Variants in HSD17B3 observed in about 807,000 individuals in gnomAD.
HSD17B3 encodes the protein 17-beta-hydroxysteroid dehydrogenase type 3.
Under a neutral mutation model 41.1 loss-of-function variants are expected in HSD17B3, and 29 were observed. That is an observed-to-expected ratio of 0.71 (90% CI 0.53 to 0.96). The LOEUF (loss-of-function observed/expected upper bound fraction) is 0.96. Among genes scored for constraint, HSD17B3 ranks in the 40% least tolerant of loss-of-function variants. The pLI is 0.00. For missense variants in HSD17B3, 323 were observed against 374.6 expected (o/e 0.86, Z 1.14); for synonymous variants, 126 against 145.6 (o/e 0.87, Z 0.97).
chr9:96,251,480 T>G lies in HSD17B3; in HGVS notation c.391A>C (p.Asn131His), dbSNP rs772902740. ...AGLEIGILVN[N>H]VGMLPNLLPS... ...AGAAGGTTTGGAAGCATTCCGACAT[T>G]GTTGACTGGCAGAAAGAAGCAAAAC... is the stretch of plus-strand genomic sequence containing the variant. Residue 131 changes from asparagine to histidine, a missense_variant, in exon 5 of 11, where the codon AAT (asparagine) becomes CAT (histidine). Asn to His is a moderately conservative substitution (Grantham distance 68). Transcript: ENST00000375263. 6.2e-7 allele frequency: 1 copy of G among 1,614,058 alleles called. No homozygotes were observed. Among genetic ancestry groups the G allele is most frequent in the Non-Finnish European group, 8.5e-7 (1 of 1,179,926 alleles).
chr9:96,279,417 A>C lies in HSD17B3; in HGVS notation c.201+18999T>G, dbSNP rs182831125. Among the ~76,000 whole-genome samples, 5 of 152,324 alleles carry C rather than the reference A, an allele frequency of 3.3e-5. No individual in the cohort carries two copies. In the East Asian group the frequency reaches 9.7e-4, roughly 29 times the overall value. On this transcript the variant is annotated intron_variant, in intron 2 of 10. Coordinates refer to ENST00000375263, the MANE Select transcript of HSD17B3 (RefSeq NM_000197.2). ...ATTTCCTGATTGGTAATTGGTTGAA[A>C]AAGTTTATCTAAACACCTGGAATCA...
At chr9:96,272,407 A>C (rs1753313) in intron 2 of HSD17B3, among the ~76,000 whole-genome samples, 3,281 of 7,020 alleles carry the variant, frequency 0.47, 378 homozygotes, top group Middle Eastern at 0.5. Context: ...CTCTCTCTCT[A>C]TATATATATA....
intron 2 of HSD17B3, among the ~76,000 whole-genome samples, chr9:96,259,624 G>A (rs1294248657): frequency 6.6e-6 from 1 of 152,116 alleles, no homozygotes; most frequent in Non-Finnish European, 1.5e-5. Flanking sequence ...AGGGGGCTGA[G>A]GCAGGAGAAT....
At chr9:96,284,683 T>G (rs1826836983) in intron 2 of HSD17B3, among the ~76,000 whole-genome samples, 2 of 152,140 alleles carry the variant, frequency 1.3e-5, no homozygotes, top group Admixed American at 1.3e-4. Context: ...GAATATCACT[T>G]TCTAACAGGT....
At chr9:96,256,014 C>A (rs780488679) in intron 2 of HSD17B3, among the ~76,000 whole-genome samples, 1 of 152,190 alleles carries the variant, frequency 6.6e-6, no homozygotes, top group Non-Finnish European at 1.5e-5. Flanking sequence ...CCTAAAACTG[C>A]TACCAGTGAG....
chr9:96,279,904 G>A (rs553978718), intron 2 of HSD17B3, among the ~76,000 whole-genome samples: 1 of 152,150 alleles, frequency 6.6e-6, no homozygotes, highest in Admixed American at 6.5e-5. Context: ...CAAGTAGCTG[G>A]GACTATAAGC....
intron 2 of HSD17B3, among the ~76,000 whole-genome samples, chr9:96,263,836 C>A (rs957384407): frequency 2.0e-5 from 3 of 152,090 alleles, no homozygotes; most frequent in Admixed American, 1.3e-4. Flanking sequence ...TACAAAATTT[C>A]TTTTTTGTAT....
chr9:96,294,367 G>A (rs1429758128), intron 2 of HSD17B3, among the ~76,000 whole-genome samples: 1 of 152,270 alleles, frequency 6.6e-6, no homozygotes, highest in African/African-American at 2.4e-5. Flanking sequence ...AGCGCAGAAT[G>A]GATGTGTAAC....
At position 96,302,097 on chromosome 9, in the gene HSD17B3, T is replaced by G; in HGVS notation, c.8A>C (p.Asp3Ala). ...GAGGATGAAGAACTGTTCCAGGACG[T>G]CCCCCATGGCTGCACTCAACAGACT... MGDVLEQFFILTG... is the reference protein window; with the variant it reads MGAVLEQFFILTG... The change falls in exon 1 of 11, where the codon GAC becomes GCC. Residue 3 changes from aspartate to alanine, a missense_variant. By Grantham distance (126) the Asp-to-Ala change is moderately radical. Transcript: ENST00000375263. 5 of 1,613,920 alleles carry G rather than the reference T, an allele frequency of 3.1e-6. No individual in the cohort carries two copies. Among genetic ancestry groups the G allele is most frequent in the Non-Finnish European group, 3.4e-6 (4 of 1,179,982 alleles).
At chr9:96,295,468 G>A (rs1827324446) in intron 2 of HSD17B3, among the ~76,000 whole-genome samples, 1 of 151,896 alleles carries the variant, frequency 6.6e-6, no homozygotes, top group Admixed American at 6.6e-5. Flanking sequence ...CCAAGTAGCT[G>A]GGATTACAAG....
intron 2 of HSD17B3, among the ~76,000 whole-genome samples, chr9:96,261,525 T>A (rs748921123): frequency 5.3e-5 from 8 of 152,088 alleles, no homozygotes; most frequent in Non-Finnish European, 7.4e-5. Context: ...ACAGAGACCT[T>A]GGGGGAAGCA....
intron 2 of HSD17B3, among the ~76,000 whole-genome samples, chr9:96,267,918 C>T (rs1443276755): frequency 2.0e-5 from 3 of 151,790 alleles, no homozygotes; most frequent in East Asian, 1.9e-4. Context: ...TATCTCTGCT[C>T]GTTTTCTTTT....
Position 96,244,410 on chromosome 9 carries a change from G to A in HSD17B3, c.607-16C>T. Reference sequence around the variant, plus strand: ...ACACAAACGCCTGGAGCAAGAAGGAGAGACACCTGAGGCCCCAGAGTGAGC... The same window carrying A: ...ACACAAACGCCTGGAGCAAGAAGGAAAGACACCTGAGGCCCCAGAGTGAGC... On this transcript the variant is annotated splice_polypyrimidine_tract_variant and intron_variant, in intron 8 of 10. Transcript: ENST00000375263. 6.2e-7 allele frequency: 1 copy of A among 1,613,924 alleles called. No homozygotes were observed. Among genetic ancestry groups the A allele is most frequent in the South Asian group, 1.1e-5 (1 of 91,072 alleles).
chr9:96,301,808 G>A (rs1827622569), intron 1 of HSD17B3, 143 bp downstream of exon 1: 2 of 843,886 alleles, frequency 2.4e-6, no homozygotes, highest in Non-Finnish European at 3.9e-6. Flanking sequence ...TTAAACCCGG[G>A]AAGCGGAGGT....
intron 2 of HSD17B3, among the ~76,000 whole-genome samples, chr9:96,261,799 CAGTT>C (rs2130745488): frequency 6.6e-6 from 1 of 152,316 alleles, no homozygotes; most frequent in South Asian, 2.1e-4. Flanking sequence ...TCTGACATCT[CAGTT>C]AGCAATGACA....
chr9:96,264,548 T>A (rs1825983687), intron 2 of HSD17B3, among the ~76,000 whole-genome samples: 2 of 152,180 alleles, frequency 1.3e-5, no homozygotes, highest in African/African-American at 4.8e-5. Flanking sequence ...GTTTGTTGTA[T>A]TTTTAGTAGA....
intron 2 of HSD17B3, among the ~76,000 whole-genome samples, chr9:96,288,992 C>T (rs531218072): frequency 6.6e-6 from 1 of 151,654 alleles, no homozygotes; most frequent in Non-Finnish European, 1.5e-5. Context: ...GCCTGTAGTC[C>T]CAGCTGCTCA....
intron 2 of HSD17B3, among the ~76,000 whole-genome samples, chr9:96,275,594 A>C (rs1278476701): frequency 6.6e-6 from 1 of 152,062 alleles, no homozygotes; most frequent in East Asian, 1.9e-4. Context: ...AAAAAGAAAA[A>C]AAAAAGCAAA....
chr9:96,256,084 C>T (rs565301048), intron 2 of HSD17B3: 12 of 152,154 alleles, frequency 7.9e-5, no homozygotes, highest in African/African-American at 2.7e-4. Context: ...TAAACAGAGA[C>T]GGATGACATT....
Sources: allele counts gnomAD v4.1 joint callset (sites outside exome capture counted in the v4.1 genomes callset), GRCh38; gene constraint gnomAD v4.1.1; transcripts MANE v1.5; gene names NCBI Gene and HGNC (gene_info 2026-07-23, HGNC 2026-07-21).